The following SCAI variants were observed in gnomAD, a reference collection of about 807,000 sequenced individuals.
SCAI encodes the protein suppressor of cancer cell invasion.
SCAI carries 24 observed loss-of-function variants against 92.2 expected under a neutral mutation model. The ratio of observed to expected loss-of-function variants is 0.26; its 90% CI spans 0.19 to 0.37. The LOEUF (loss-of-function observed/expected upper bound fraction) is 0.37, where lower values mean the gene tolerates loss of function less well. Ranked by LOEUF, SCAI falls within the 10% of genes least tolerant of loss-of-function variation. SCAI has a pLI of 1.00. For synonymous variants in SCAI, 261 were observed against 258.6 expected, an observed-to-expected ratio of 1.01 and a Z score of -0.09; for missense variants, 450 against 736.2, an observed-to-expected ratio of 0.61 and a Z score of 4.50.
intron 14 of SCAI, among the ~76,000 whole-genome samples, chr9:124,988,152 C>T (rs1278769978): frequency 6.6e-6 from 1 of 151,926 alleles, no homozygotes; most frequent in Admixed American, 6.6e-5. Context: ...GGAATAGTTG[C>T]ATCTTCTCTG....
chr9:125,083,028 G>A (rs1413929614), intron 2 of SCAI, among the ~76,000 whole-genome samples: 1 of 152,220 alleles, frequency 6.6e-6, no homozygotes, highest in Non-Finnish European at 1.5e-5. Context: ...GCAGAATAAG[G>A]TTTGGCTTCC....
At chr9:125,098,732 G>A (rs989337673) in intron 2 of SCAI, among the ~76,000 whole-genome samples, 3 of 152,196 alleles carry the variant, frequency 2.0e-5, no homozygotes, top group Admixed American at 6.5e-5. Context: ...TTTGTGAACT[G>A]CAAAGGGAAG....
intron 17 of SCAI, among the ~76,000 whole-genome samples, chr9:124,960,823 A>T (rs1202561264): frequency 6.6e-6 from 1 of 152,244 alleles, no homozygotes; most frequent in African/African-American, 2.4e-5. Flanking sequence ...AACTTTACAT[A>T]AAAAAGAATT....
chr9:125,095,690 T>C (rs1273466736), intron 2 of SCAI, among the ~76,000 whole-genome samples: 2 of 152,220 alleles, frequency 1.3e-5, no homozygotes, highest in Non-Finnish European at 2.9e-5. Flanking sequence ...ATTAATGTGC[T>C]CTCTTCCTCC....
intron 17 of SCAI, among the ~76,000 whole-genome samples, chr9:124,953,191 T>TAA (rs1564354946): frequency 2.0e-5 from 3 of 152,240 alleles, no homozygotes; most frequent in African/African-American, 7.2e-5. Context: ...AAATGTTTAC[T>TAA]GAGGCCTATT....
chr9:125,051,383 G>A, intron 3 of SCAI, among the ~76,000 whole-genome samples: 1 of 151,884 alleles, frequency 6.6e-6, no homozygotes, highest in Non-Finnish European at 1.5e-5. Context: ...TATATCTGTG[G>A]TATATTTGCT....
chr9:125,137,141 G>GT (rs1202202093), intron 2 of SCAI, among the ~76,000 whole-genome samples: 2 of 152,042 alleles, frequency 1.3e-5, no homozygotes, highest in African/African-American at 4.8e-5. Flanking sequence ...TGTACATTTT[G>GT]TTTTCTAGTT....
chr9:125,067,433 G>A (rs1833896146), intron 2 of SCAI, among the ~76,000 whole-genome samples: 1 of 152,114 alleles, frequency 6.6e-6, no homozygotes, highest in Non-Finnish European at 1.5e-5. Context: ...AATGCCATGT[G>A]AAGACAGACA....
At chr9:125,042,644 C>CGTGTGTGTGTGTGTGTGTGTGTGTGTGT in intron 3 of SCAI, among the ~76,000 whole-genome samples, 1 of 90,668 alleles carries the variant, frequency 1.1e-5, no homozygotes, top group Admixed American at 1.3e-4. Context: ...TACACACACA[C>CGTGTGTGTGTGTGTGTGTGTGTGTGTGT]ACACACACAC....
chr9:125,007,758 A>G (rs1832542369), intron 9 of SCAI, among the ~76,000 whole-genome samples: 1 of 151,980 alleles, frequency 6.6e-6, no homozygotes, highest in Non-Finnish European at 1.5e-5. Context: ...CCCGGGCTCA[A>G]GTGATTCTTC....
At chr9:125,128,427 C>A (rs1273555629) in intron 2 of SCAI, among the ~76,000 whole-genome samples, 1 of 152,134 alleles carries the variant, frequency 6.6e-6, no homozygotes, top group Non-Finnish European at 1.5e-5. Flanking sequence ...CGAGACCAGC[C>A]TGGCCAACAT....
chr9:124,962,391 C>G (rs529922270), intron 17 of SCAI, among the ~76,000 whole-genome samples: 1 of 152,166 alleles, frequency 6.6e-6, no homozygotes, highest in African/African-American at 2.4e-5. Flanking sequence ...GAATTCTTGA[C>G]CTAAGGTGAC....
chr9:124,961,547 G>A (rs570043281), intron 17 of SCAI, among the ~76,000 whole-genome samples: 1 of 151,578 alleles, frequency 6.6e-6, no homozygotes, highest in African/African-American at 2.4e-5. Context: ...CTACTCGGGA[G>A]GCTGAGGCAG....
chr9:125,099,013 C>T lies in SCAI; in HGVS notation c.99-43006G>A, dbSNP rs1266133929. Among the ~76,000 whole-genome samples, 6 of 151,498 alleles carry T rather than the reference C, an allele frequency of 4.0e-5. No individual in the cohort carries two copies. The East Asian group carries it at 7.7e-4, about 19-fold the overall frequency. On this transcript the variant is annotated intron_variant, in intron 2 of 17. Transcript: ENST00000336505. ...GATGTGTGTCCAAAATTGTCTTTAC[C>T]GCAAATGTTTTGAGACAAATTTTAA... is the stretch of plus-strand genomic sequence containing the variant.
chr9:124,993,033 T>A (rs991547272), intron 14 of SCAI, among the ~76,000 whole-genome samples: 1 of 152,220 alleles, frequency 6.6e-6, no homozygotes, highest in East Asian at 1.9e-4. Flanking sequence ...ATTGCTAAAG[T>A]ACTCTCAATG....
intron 3 of SCAI, among the ~76,000 whole-genome samples, chr9:125,042,860 T>TTTG (rs1347032778): frequency 0.014 from 648 of 47,692 alleles, 33 homozygotes; most frequent in Admixed American, 0.078. Flanking sequence ...CTCCCTGGCT[T>TTTG]TTTTTTTTTT....
intron 2 of SCAI, among the ~76,000 whole-genome samples, chr9:125,083,960 G>A (rs1185227284): frequency 1.3e-5 from 2 of 152,056 alleles, no homozygotes; most frequent in African/African-American, 4.8e-5. Flanking sequence ...GAGTTCCACT[G>A]GAGTGGAGAC....
chr9:125,013,607 G>A (rs1268905057), intron 9 of SCAI, among the ~76,000 whole-genome samples: 2 of 152,132 alleles, frequency 1.3e-5, no homozygotes, highest in Non-Finnish European at 2.9e-5. Context: ...AGGTACAAGA[G>A]GAACTGGTAC....
chr9:125,011,830 G>A (rs537231881), intron 9 of SCAI, among the ~76,000 whole-genome samples: 1 of 152,314 alleles, frequency 6.6e-6, no homozygotes, highest in Non-Finnish European at 1.5e-5. Context: ...AACAGCGGAT[G>A]TCTTGGCAGA....
Sources: gnomAD v4.1 joint callset for allele counts (sites outside exome capture counted in the v4.1 genomes callset) on GRCh38, gnomAD v4.1.1 for gene constraint, MANE v1.5 for transcripts, NCBI Gene and HGNC (gene_info 2026-07-23, HGNC 2026-07-21) for gene names.